Variants in NRG1 observed in about 807,000 individuals in gnomAD.
The protein encoded by NRG1 is pro-neuregulin-1, membrane-bound isoform.
Under a neutral mutation model 63.8 loss-of-function variants are expected in NRG1, and 18 were observed. The observed-to-expected ratio is 0.28, with a 90% CI of 0.19 to 0.42. NRG1 has a LOEUF of 0.42. Among genes scored for constraint, NRG1 ranks in the 10% least tolerant of loss-of-function variants. The pLI, the probability that NRG1 is intolerant of heterozygous loss-of-function variation, is 1.00. For synonymous variants in NRG1, 302 were observed against 301.3 expected (o/e 1.00, Z -0.02); for missense variants, 762 against 814.7 (o/e 0.94, Z 0.79).
chr8:32,023,043 A>G (rs1816705302), intron 1 of NRG1, among the ~76,000 whole-genome samples: 1 of 152,216 alleles, frequency 6.6e-6, no homozygotes, highest in Admixed American at 6.5e-5. Context: ...TATGCAACAT[A>G]TTTATGTGCA....
rs75580671 is a variant in NRG1 at position 32,506,529 on chromosome 8, C to A, written c.38-89299C>A. ...GACAGAGACAAAGAGAAAACAATGG[C>A]TGTCTCCAGGAGGAAAAGGATTAAT... is the stretch of plus-strand genomic sequence containing the variant. On this transcript the variant is annotated intron_variant, in intron 1 of 10. Coordinates refer to the NRG1 transcript ENST00000519301. Among the ~76,000 whole-genome samples the A allele has an allele frequency of 3.6e-3, 552 of 152,262 alleles. 3 individuals are homozygous for A. Among genetic ancestry groups the A allele is most frequent in the African/African-American group, 0.013 (535 of 41,556 alleles).
chr8:32,489,170 G>A (rs56395142), intron 1 of NRG1, among the ~76,000 whole-genome samples: 4,192 of 152,154 alleles, frequency 0.028, 62 homozygotes, highest in Middle Eastern at 0.041. Flanking sequence ...ATGGGCTGCC[G>A]CATGTGTGGT....
intron 11 of NRG1, chr8:32,763,113 G>T: frequency 8.5e-7 from 1 of 1,177,960 alleles, no homozygotes; most frequent in South Asian, 1.4e-5. Flanking sequence ...GTTCCAAATT[G>T]AATGTTAACT....
intron 1 of NRG1, among the ~76,000 whole-genome samples, chr8:32,263,478 C>T (rs983830702): frequency 6.6e-6 from 1 of 152,150 alleles, no homozygotes; most frequent in African/African-American, 2.4e-5. Context: ...AGCCCCCCAT[C>T]CTGCTCCCAT....
At chr8:32,084,706 G>C (rs1293199275) in intron 1 of NRG1, among the ~76,000 whole-genome samples, 4 of 152,132 alleles carry the variant, frequency 2.6e-5, no homozygotes, top group African/African-American at 9.7e-5. Flanking sequence ...GAAAGTGGTA[G>C]GTGGGTTAGA....
chr8:32,732,418 GA>G (rs1823908978), intron 6 of NRG1, among the ~76,000 whole-genome samples: 1 of 151,966 alleles, frequency 6.6e-6, no homozygotes, highest in Non-Finnish European at 1.5e-5. Context: ...ATGTTGATGT[GA>G]TTTTTTTTAA....
At chr8:32,757,641 C>A (rs1338986603) in intron 9 of NRG1, among the ~76,000 whole-genome samples, 2 of 152,150 alleles carry the variant, frequency 1.3e-5, no homozygotes, top group Admixed American at 6.5e-5. Flanking sequence ...ACAAAAGGAA[C>A]TATAATCTGT....
intron 1 of NRG1, among the ~76,000 whole-genome samples, chr8:31,677,465 TA>T (rs1807833875): frequency 1.3e-5 from 2 of 152,166 alleles, no homozygotes; most frequent in African/African-American, 4.8e-5. Flanking sequence ...AACATTTTTC[TA>T]ACTTAATTGT....
intron 1 of NRG1, among the ~76,000 whole-genome samples, chr8:31,896,061 A>G (rs1250646352): frequency 6.6e-6 from 1 of 152,170 alleles, no homozygotes; most frequent in Non-Finnish European, 1.5e-5. Flanking sequence ...ACTGAATTTC[A>G]GTAAAATTAA....
chr8:32,766,840 G>T (rs1831467323), exon 12 of NRG1: 1 of 152,092 alleles, frequency 6.6e-6, no homozygotes, highest in Non-Finnish European at 1.5e-5. Flanking sequence ...ACCTGCCAAG[G>T]CCACTAGATT....
At chr8:32,554,733 A>G (rs1435706627) in intron 1 of NRG1, among the ~76,000 whole-genome samples, 1 of 152,246 alleles carries the variant, frequency 6.6e-6, no homozygotes, top group Non-Finnish European at 1.5e-5. Flanking sequence ...TGCCCTGATT[A>G]TGACTGATAA....
At chr8:32,415,784 C>G (rs947234372) in intron 1 of NRG1, among the ~76,000 whole-genome samples, 5 of 152,288 alleles carry the variant, frequency 3.3e-5, no homozygotes, top group Middle Eastern at 3.4e-3. Context: ...TCATTCCCTA[C>G]ATCACAACCT....
At chr8:32,668,545 G>C (rs1337296921) in intron 5 of NRG1, among the ~76,000 whole-genome samples, 1 of 152,122 alleles carries the variant, frequency 6.6e-6, no homozygotes, top group Non-Finnish European at 1.5e-5. Flanking sequence ...CCACACAGCT[G>C]TCTCACCCAG....
chr8:32,754,975 T>C (rs1829415380), intron 8 of NRG1, among the ~76,000 whole-genome samples: 1 of 152,236 alleles, frequency 6.6e-6, no homozygotes, highest in African/African-American at 2.4e-5. Context: ...AATTACGAGA[T>C]AAAGGAAACC....
intron 1 of NRG1, chr8:32,220,788 C>G (rs1184423267): frequency 1.3e-5 from 2 of 152,266 alleles, no homozygotes; most frequent in African/African-American, 4.8e-5. Flanking sequence ...CCCCGCGCAG[C>G]GGAGGAGCTT....
chr8:32,007,849 C>A (rs1363811331), intron 1 of NRG1, among the ~76,000 whole-genome samples: 2 of 151,854 alleles, frequency 1.3e-5, no homozygotes, highest in African/African-American at 4.8e-5. Context: ...TTAAAATTGG[C>A]TAGAAGGCAA....
At chr8:32,443,118 A>G (rs949305840) in intron 1 of NRG1, among the ~76,000 whole-genome samples, 1 of 151,840 alleles carries the variant, frequency 6.6e-6, no homozygotes, top group Admixed American at 6.6e-5. Flanking sequence ...TCTTAATTTC[A>G]TTTTTGTAGA....
chr8:32,422,114 G>A (rs1816766795), intron 1 of NRG1, among the ~76,000 whole-genome samples: 1 of 151,964 alleles, frequency 6.6e-6, no homozygotes, highest in African/African-American at 2.4e-5. Context: ...TAACAGAACT[G>A]CACTTATACC....
intron 1 of NRG1, among the ~76,000 whole-genome samples, chr8:32,323,788 GT>G (rs1801688734): frequency 6.6e-6 from 1 of 152,188 alleles, no homozygotes; most frequent in Non-Finnish European, 1.5e-5. Flanking sequence ...CAAAGGGTTG[GT>G]TTTGTGAGCA....
Sources: allele counts gnomAD v4.1 joint callset (sites outside exome capture counted in the v4.1 genomes callset), GRCh38; gene constraint gnomAD v4.1.1; transcripts MANE v1.5; gene names NCBI Gene and HGNC (gene_info 2026-07-23, HGNC 2026-07-21).